MMD2: variants seen among roughly 807,000 people sequenced by gnomAD.
The protein encoded by MMD2 is monocyte to macrophage differentiation associated 2.
MMD2 carries 30 observed loss-of-function variants against 33.5 expected under a neutral mutation model. The ratio of observed to expected loss-of-function variants is 0.90; its 90% confidence interval spans 0.67 to 1.22. The LOEUF is 1.22. MMD2 is among the 50% of genes most tolerant of loss of function. The pLI, the probability that MMD2 is intolerant of heterozygous loss-of-function variation, is 0.00. For synonymous variants in MMD2, 129 were observed against 123.0 expected (o/e 1.05, Z -0.32); for missense variants, 364 against 325.4 (o/e 1.12, Z -0.91).
At chr7:4,904,063 G>T (rs928885091), downstream of MMD2, among the ~76,000 whole-genome samples, 4 of 152,166 alleles carry the variant, frequency 2.6e-5, no homozygotes. Flanking sequence ...CTCCCGAGTA[G>T]CTGAGATTAC....
At chr7:4,956,258 A>G (rs1013840709) in intron 1 of MMD2, among the ~76,000 whole-genome samples, 5 of 151,296 alleles carry the variant, frequency 3.3e-5, no homozygotes, top group African/African-American at 1.2e-4. Flanking sequence ...CCCCATCTTT[A>G]CAGATACTTT....
chr7:4,934,075 A>G (rs1378719667), intron 1 of MMD2, among the ~76,000 whole-genome samples: 1 of 151,812 alleles, frequency 6.6e-6, no homozygotes, highest in Non-Finnish European at 1.5e-5. Flanking sequence ...GATTACAGGC[A>G]TCCGCCACCA....
chr7:4,908,403 A>G (rs1236959154), intron 6 of MMD2, among the ~76,000 whole-genome samples: 2 of 151,944 alleles, frequency 1.3e-5, no homozygotes, highest in Admixed American at 1.3e-4. Context: ...TGGCCTCCCA[A>G]AGTGCTGGGA....
the MMD2 span, among the ~76,000 whole-genome samples, chr7:4,898,673 G>A: frequency 6.6e-6 from 1 of 152,200 alleles, no homozygotes; most frequent in Non-Finnish European, 1.5e-5. Flanking sequence ...GCCAAGGTGG[G>A]CAGATCACTT....
At chr7:4,951,257 G>A (rs1490961486) in intron 1 of MMD2, among the ~76,000 whole-genome samples, 1 of 151,904 alleles carries the variant, frequency 6.6e-6, no homozygotes, top group African/African-American at 2.4e-5. Flanking sequence ...CTTCCCACTG[G>A]AGCCCAAATC....
chr7:4,911,645 A>G (rs553153679), intron 4 of MMD2, among the ~76,000 whole-genome samples: 2 of 149,638 alleles, frequency 1.3e-5, no homozygotes, highest in African/African-American at 4.9e-5. Context: ...ATTTTATTTT[A>G]TTTATTTTAT....
intron 1 of MMD2, among the ~76,000 whole-genome samples, chr7:4,936,884 G>GTTA (rs1785755948): frequency 6.6e-6 from 1 of 151,670 alleles, no homozygotes; most frequent in African/African-American, 2.4e-5. Flanking sequence ...ACAGGTGTTT[G>GTTA]CCACTACACC....
intron 1 of MMD2, among the ~76,000 whole-genome samples, chr7:4,958,488 T>C (rs1383918467): frequency 6.6e-6 from 1 of 152,078 alleles, no homozygotes; most frequent in Admixed American, 6.6e-5. Context: ...AGTTTCTCCA[T>C]CTGAAAAGAG....
Position 4,946,182 on chromosome 7 carries a change from C to T in MMD2, c.47+12789G>A, listed in dbSNP as rs767812323. Reference sequence around the variant, plus strand: ...GCGCACACCTGCACACATGCACACACACGCGCGCACACCCACACACACGCA... The same window carrying T: ...GCGCACACCTGCACACATGCACACATACGCGCGCACACCCACACACACGCA... On this transcript the variant is annotated intron_variant, in intron 1 of 6. Coordinates refer to ENST00000401401, the MANE Select transcript of MMD2 (RefSeq NM_198403.4). This position sits in a 1 kb window ranked among gnomAD's most constrained non-coding sequence, Gnocchi z 5.0. Among the ~76,000 whole-genome samples the T allele has an allele frequency of 1.3e-5, 2 of 151,550 alleles. No homozygotes were observed. The highest frequency in any genetic ancestry group is 1.3e-4 in the Admixed American group (2 of 15,152).
In MMD2 at chr7:4,959,100, C is replaced by T. The variant is rs1786470620; in HGVS notation, c.-83G>A. On this transcript the variant is annotated 5_prime_UTR_variant, in exon 1 of 7. Transcript: ENST00000401401. ...CTGGGGGGCGCGGCGGCGGCAGCAG[C>T]AGGTTGGAGGGCGCGCGGCGGGGGC... 1.1e-5 allele frequency: 13 copies of T among 1,146,740 alleles called. No individual in the cohort carries two copies. The South Asian group carries it at 3.5e-4, about 31-fold the overall frequency. The allele number at this position is 1,146,740 out of a possible 1,614,324, so 71.0% of individuals were successfully genotyped here.
chr7:4,933,995 T>C (rs1179344040), intron 1 of MMD2, among the ~76,000 whole-genome samples: 1 of 137,092 alleles, frequency 7.3e-6, no homozygotes, highest in African/African-American at 2.8e-5. Flanking sequence ...AATGGTGCAA[T>C]CTCAACTCAC....
At position 4,910,048 on chromosome 7, in the gene MMD2, C is replaced by T. The variant is rs1383116551; in HGVS notation, c.468-98G>A. 1.9e-6 allele frequency: 3 copies of T among 1,612,298 alleles called. 1 individual carries two copies. In the South Asian group the frequency reaches 3.3e-5, roughly 18 times the overall value. ...CTTGGGGAAGAGGGAACACTCTGGC[C>T]AGAACAGTGAGAAGAAAGGACGCTT... On this transcript the variant is annotated intron_variant, in intron 5 of 6. Transcript: ENST00000401401.
At chr7:4,907,698 G>T in intron 6 of MMD2, 99 bp from the exon 7 acceptor site, 1 of 1,180,700 alleles carries the variant, frequency 8.5e-7, no homozygotes, top group Non-Finnish European at 1.2e-6. Context: ...AAGACATGCA[G>T]ATGGCAAACC....
intron 1 of MMD2, among the ~76,000 whole-genome samples, chr7:4,947,397 A>C (rs1196273324): frequency 1.9e-5 from 1 of 53,548 alleles, no homozygotes; most frequent in Non-Finnish European, 3.7e-5. Flanking sequence ...GGTGCTATGC[A>C]CTTTTTTTTT....
chr7:4,959,046 G>C lies in MMD2; in HGVS notation c.-29C>G, dbSNP rs776426563. ...GGCGCTTCCATGGGAATCTGGCCCC[G>C]GGCTCAGAGCGCGGGTAGCTGGCAG... On this transcript the variant is annotated 5_prime_UTR_variant, in exon 1 of 7. Coordinates refer to ENST00000401401, the MANE Select transcript of MMD2 (RefSeq NM_198403.4). The C allele has an allele frequency of 2.4e-6, 3 of 1,252,464 alleles. No homozygotes were observed. The Admixed American group carries it at 1.3e-4, about 53-fold the overall frequency. The allele number at this position is 1,252,464 out of a possible 1,614,324, so 77.6% of individuals were successfully genotyped here.
chr7:4,925,654 T>C, intron 1 of MMD2, 122 bp from the exon 2 acceptor site: 2 of 564,444 alleles, frequency 3.5e-6, no homozygotes, highest in Non-Finnish European at 3.1e-6. Flanking sequence ...CCTTCTCCCT[T>C]TTTCATCTCC....
At chr7:4,931,914 G>A (rs1785598194) in intron 1 of MMD2, among the ~76,000 whole-genome samples, 2 of 152,066 alleles carry the variant, frequency 1.3e-5, no homozygotes, top group Admixed American at 6.6e-5. Flanking sequence ...CCAGGAGGCC[G>A]GGCCAATTTA....
At chr7:4,942,799 T>C (rs981396289) in intron 1 of MMD2, among the ~76,000 whole-genome samples, 4 of 151,426 alleles carry the variant, frequency 2.6e-5, no homozygotes, top group Non-Finnish European at 4.4e-5. Flanking sequence ...TGTTTTTTAG[T>C]AGAGACAGGG....
intron 6 of MMD2, 23 bp from the exon 7 acceptor site, chr7:4,907,622 G>C (rs555878297): frequency 6.2e-7 from 1 of 1,611,190 alleles, no homozygotes; most frequent in African/African-American, 1.3e-5. Flanking sequence ...ACAAGGGTGG[G>C]GCACAGGTCA....
Sources: gnomAD v4.1 joint callset for allele counts (sites outside exome capture counted in the v4.1 genomes callset) on GRCh38, gnomAD v4.1.1 for gene constraint, Gnocchi (gnomAD v3.1) non-coding constraint, MANE v1.5 for transcripts, NCBI Gene and HGNC (gene_info 2026-07-23, HGNC 2026-07-21) for gene names.